The following SYT3 variants were observed in gnomAD, a reference collection of about 807,000 sequenced individuals.
The protein encoded by SYT3 is synaptotagmin 3.
A neutral mutation model predicts 50.6 loss-of-function variants in SYT3; 25 were observed. That is an observed-to-expected ratio of 0.49 (90% CI 0.36 to 0.69). The LOEUF is 0.69. Among genes scored for constraint, SYT3 ranks in the 30% least tolerant of loss-of-function variants. The pLI is 0.00. For missense variants in SYT3, 589 were observed against 793.6 expected, an observed-to-expected ratio of 0.74 and a Z score of 3.10; for synonymous variants, 323 against 353.9, an observed-to-expected ratio of 0.91 and a Z score of 0.98.
upstream of SYT3, among the ~76,000 whole-genome samples, chr19:50,641,168 ATTTTTTTTTTTTTTT>A (rs566141853): frequency 1.7e-5 from 1 of 60,218 alleles, no homozygotes; most frequent in African/African-American, 7.5e-5. Context: ...GAGCCCAGGA[ATTTTTTTTTTTTTTT>A]TTTTTTTTTT....
chr19:50,639,594 C>A lies in SYT3; in HGVS notation c.-154+196G>T, dbSNP rs1461640247. Among the ~76,000 whole-genome samples, 1 of 151,828 alleles carries A rather than the reference C, an allele frequency of 6.6e-6. No homozygotes were observed. Among genetic ancestry groups the A allele is most frequent in the Non-Finnish European group, 1.5e-5 (1 of 67,876 alleles). On this transcript the variant is annotated intron_variant, in intron 1 of 10. Coordinates refer to ENST00000600079, the MANE Select transcript of SYT3 (RefSeq NM_001160329.2). This position sits in a 1 kb window ranked among gnomAD's most constrained non-coding sequence, Gnocchi z 4.6. ...ATCGGTGGGCGAGGGGTGGGATACA[C>A]CCAGGTGTTTCGGGACCCCCTTCCA...
In SYT3 at chr19:50,632,548, G is replaced by C; in HGVS notation, c.412C>G (p.His138Asp). ...AGCAGCTCAGCAAAGGGTGGATGGTGGGCGGCATGGGCATGGTGGTGTGGG... is the reference window on the plus strand; with the variant it reads ...AGCAGCTCAGCAAAGGGTGGATGGTCGGCGGCATGGGCATGGTGGTGTGGG... ...GGPHHHAHAA[H>D]HPPFAELLEP... is the part of the protein sequence containing the mutation. The change falls in exon 4 of 11, where the codon CAC (histidine) becomes GAC (aspartate). Residue 138 changes from histidine (H) to aspartate (D), a missense_variant. Transcript: ENST00000600079. The surrounding 1 kb of genome is among the most constrained non-coding windows in gnomAD (Gnocchi z 4.7). The C allele has an allele frequency of 6.2e-7, 1 of 1,601,504 alleles. No individual in the cohort carries two copies. Among genetic ancestry groups the C allele is most frequent in the South Asian group, 1.1e-5 (1 of 90,636 alleles).
At position 50,637,705 on chromosome 19, in the gene SYT3, G is replaced by T. The variant is rs1039993614; in HGVS notation, c.-15-279C>A. The T allele has an allele frequency of 6.5e-5, 22 of 340,588 alleles. No homozygotes were observed. Among genetic ancestry groups the T allele is most frequent in the African/African-American group, 4.6e-4 (22 of 48,274 alleles). The allele number at this position is 340,588 out of a possible 1,614,324, so 21.1% of individuals were successfully genotyped here. A position where few individuals can be genotyped will look rare whatever the true frequency, so the allele number is the denominator to read the frequency against. On this transcript the variant is annotated intron_variant, in intron 2 of 10. Transcript: ENST00000600079. The surrounding 1 kb of genome is among the most constrained non-coding windows in gnomAD (Gnocchi z 4.9). The stretch of plus-strand genomic sequence containing the variant: ...TAGCAGGGACTGGGTAAGTCAAGGG[G>T]ACAGAGATGGGCATGAGTGGAGTAG...
rs1038642764 is a variant in SYT3, at chr19:50,625,124, G to C, written c.1707+38C>G. On this transcript the variant is annotated intron_variant, in intron 9 of 10. Transcript: ENST00000600079. The surrounding 1 kb of genome is among the most constrained non-coding windows in gnomAD (Gnocchi z 7.5). ...ATGGATGAAGGGGCCGAGGGTGCAC[G>C]GGTGCTTGTCAGGGGTCGGTGTGGG... The C allele has an allele frequency of 7.2e-6, 11 of 1,528,086 alleles. No homozygotes were observed. In the African/African-American group the frequency reaches 1.3e-4, roughly 17 times the overall value. The allele number at this position is 1,528,086 out of a possible 1,614,324, so 94.7% of individuals were successfully genotyped here.
chr19:50,644,654 G>C (rs1321613638), upstream of SYT3, among the ~76,000 whole-genome samples: 4 of 152,090 alleles, frequency 2.6e-5, no homozygotes, highest in Non-Finnish European at 4.4e-5. Flanking sequence ...TGGATGGGTG[G>C]ATGGATGTTG....
intron 6 of SYT3, among the ~76,000 whole-genome samples, chr19:50,627,973 T>C (rs960915386): frequency 1.3e-5 from 2 of 152,218 alleles, no homozygotes; most frequent in African/African-American, 4.8e-5. Flanking sequence ...AAGGCTGGGC[T>C]TGGGGGCCAA....
chr19:50,627,119 C>T (rs1224099020), intron 6 of SYT3, among the ~76,000 whole-genome samples: 1 of 152,226 alleles, frequency 6.6e-6, no homozygotes, highest in Non-Finnish European at 1.5e-5. Context: ...CTGGAGCTAG[C>T]TGGGAGCTTT....
upstream of SYT3, among the ~76,000 whole-genome samples, chr19:50,642,252 C>A (rs1225143950): frequency 6.6e-6 from 1 of 152,270 alleles, no homozygotes; most frequent in Non-Finnish European, 1.5e-5. Context: ...CCACAGGTAG[C>A]CCTGTTCCAC....
chr19:50,637,557 G>C lies in SYT3; in HGVS notation c.-15-131C>G. 1.4e-6 allele frequency: 1 copy of C among 712,560 alleles called. No homozygotes were observed. Among genetic ancestry groups the C allele is most frequent in the South Asian group, 2.1e-5 (1 of 48,780 alleles). The allele number at this position is 712,560 out of a possible 1,614,324, so 44.1% of individuals were successfully genotyped here. ...GGATGGGCAAAGGGGACAGAGATTA[G>C]GGGCAGATGGATTAGGGATGGAGAT... On this transcript the variant is annotated intron_variant, in intron 2 of 10. Coordinates refer to ENST00000600079, the MANE Select transcript of SYT3 (RefSeq NM_001160329.2). The surrounding 1 kb of genome is among the most constrained non-coding windows in gnomAD (Gnocchi z 4.9).
In SYT3 at chr19:50,625,612, T is replaced by A. The variant is rs1175285609; in HGVS notation, c.1403-48A>T. ...GAACAGAGACTCACTCCCTCAGACCTAGGGGTCCAGGACCCCAGGCCCCGA... is the reference window on the plus strand; with the variant it reads ...GAACAGAGACTCACTCCCTCAGACCAAGGGGTCCAGGACCCCAGGCCCCGA... On this transcript the variant is annotated intron_variant, in intron 7 of 10. Transcript: ENST00000600079. This position sits in a 1 kb window ranked among gnomAD's most constrained non-coding sequence, Gnocchi z 7.5. 1.3e-6 allele frequency: 2 copies of A among 1,519,016 alleles called. No individual in the cohort carries two copies. 94.1% of individuals were successfully genotyped at this position (1,519,016 alleles called of 1,614,324 possible).
At chr19:50,638,469 T>G (rs1984565903) in intron 2 of SYT3, among the ~76,000 whole-genome samples, 6 of 139,572 alleles carry the variant, frequency 4.3e-5, no homozygotes, top group Non-Finnish European at 6.2e-5. Flanking sequence ...GAGGGAGAGA[T>G]ACAGGGAGGG....
the SYT3 span, chr19:50,649,366 GAGA>G: frequency 1.8e-5 from 25 of 1,385,738 alleles, no homozygotes; most frequent in Admixed American, 1.2e-4. Context: ...CAGCGGTGGG[GAGA>G]AGGAGCTGGG....
At chr19:50,655,658 A>AAC in the SYT3 span, among the ~76,000 whole-genome samples, 1 of 151,984 alleles carries the variant, frequency 6.6e-6, no homozygotes, top group African/African-American at 2.4e-5. Context: ...CAAAAAAAAA[A>AAC]AACAAAAAAC....
rs61746970 is a variant in SYT3 at position 50,629,489 on chromosome 19, G to A, written c.1086C>T (p.Pro362=). ...QTKVHRKTLN[P]VFNETFQFSV... is the part of the protein sequence containing the mutation. Reference sequence around the variant, plus strand: ...AGAATTGAAACGTCTCATTGAAGACGGGGTTCAGGGTCTTCCTGTGCACCT... The same window carrying A: ...AGAATTGAAACGTCTCATTGAAGACAGGGTTCAGGGTCTTCCTGTGCACCT... The change falls in exon 6 of 11, where the codon CCC becomes CCT. Residue 362 remains proline (P), a synonymous_variant. Coordinates refer to ENST00000600079, the MANE Select transcript of SYT3 (RefSeq NM_001160329.2). The A allele has an allele frequency of 0.034, 55,065 of 1,613,404 alleles. 1,095 individuals are homozygous for A. Among genetic ancestry groups the A allele is most frequent in the Non-Finnish European group, 0.039 (45,452 of 1,179,680 alleles).
chr19:50,631,379 G>A (rs1192249717), intron 4 of SYT3, among the ~76,000 whole-genome samples: 1 of 151,940 alleles, frequency 6.6e-6, no homozygotes, highest in African/African-American at 2.4e-5. Context: ...GGCCAGGCTG[G>A]TCTCGAACTC....
the SYT3 span, chr19:50,656,248 A>G: frequency 1.3e-6 from 2 of 1,535,992 alleles, no homozygotes; most frequent in African/African-American, 2.7e-5. Context: ...GCGGCAGGTC[A>G]TTGCAGAGTA....
intron 4 of SYT3, among the ~76,000 whole-genome samples, chr19:50,631,360 C>T (rs573196826): frequency 2.0e-5 from 3 of 151,940 alleles, no homozygotes; most frequent in Non-Finnish European, 4.4e-5. Flanking sequence ...GATGGGGTTT[C>T]ACCATATTGG....
upstream of SYT3, among the ~76,000 whole-genome samples, chr19:50,641,168 A>ATTTT (rs566141853): frequency 6.6e-5 from 4 of 60,218 alleles, no homozygotes; most frequent in East Asian, 4.8e-4. Context: ...GAGCCCAGGA[A>ATTTT]TTTTTTTTTT....
chr19:50,655,141 G>C, the SYT3 span, among the ~76,000 whole-genome samples: 1 of 152,204 alleles, frequency 6.6e-6, no homozygotes, highest in Admixed American at 6.5e-5. Flanking sequence ...ACCTGCAAGG[G>C]AGTCTGGGAA....
Sources: allele counts gnomAD v4.1 joint callset (sites outside exome capture counted in the v4.1 genomes callset), GRCh38; gene constraint gnomAD v4.1.1; non-coding constraint Gnocchi (gnomAD v3.1); transcripts MANE v1.5; gene names NCBI Gene and HGNC (gene_info 2026-07-23, HGNC 2026-07-21).